Variants in DCAF1 observed in about 807,000 individuals in gnomAD.
DCAF1 encodes the protein DDB1 and CUL4 associated factor 1.
In DCAF1, 15 loss-of-function variants were observed where a neutral mutation model predicts 128.0. The ratio of observed to expected loss-of-function variants is 0.12; its 90% CI spans 0.08 to 0.18. DCAF1 has a LOEUF of 0.18. Among genes scored for constraint, DCAF1 ranks in the 10% least tolerant of loss-of-function variants. DCAF1 has a pLI of 1.00. For missense variants in DCAF1, 988 were observed against 1,649.5 expected, an observed-to-expected ratio of 0.60 and a Z score of 6.95; for synonymous variants, 610 against 603.0, an observed-to-expected ratio of 1.01 and a Z score of -0.17.
chr3:51,480,569 A>G (rs1553652433), intron 3 of DCAF1, among the ~76,000 whole-genome samples: 1 of 144,658 alleles, frequency 6.9e-6, no homozygotes, highest in Non-Finnish European at 1.5e-5. Flanking sequence ...ACTGCACTCC[A>G]GCCTGGGCGA....
intron 23 of DCAF1, among the ~76,000 whole-genome samples, chr3:51,404,173 G>C (rs1485917884): frequency 6.6e-6 from 1 of 152,198 alleles, no homozygotes; most frequent in Non-Finnish European, 1.5e-5. Context: ...CCCTTCAAAA[G>C]GGAGAGGACA....
Position 51,403,149 on chromosome 3 carries a change from C to G in DCAF1, c.4459G>C (p.Gly1487Arg), listed in dbSNP as rs782012460. 19 of 1,611,524 alleles carry G rather than the reference C, an allele frequency of 1.2e-5. No homozygotes were observed. The highest frequency in any genetic ancestry group is 1.6e-5 in the Non-Finnish European group (19 of 1,178,504). Reference protein sequence around the residue: ...DADEEVELILGDTDSSDNSDL... With the variant: ...DADEEVELILRDTDSSDNSDL... ...AACTCTGCCCTATACTTACTGTCCC[C>G]CAGGATCAGTTCCACCTCCTCATCT... is the stretch of plus-strand genomic sequence containing the variant. Residue 1487 changes from glycine (G) to arginine (R), a missense_variant, in exon 24 of 25, where the codon GGG becomes CGG. Transcript: ENST00000684031.
chr3:51,460,547 T>C (rs1397068236), intron 6 of DCAF1, among the ~76,000 whole-genome samples: 2 of 131,608 alleles, frequency 1.5e-5, no homozygotes, highest in Non-Finnish European at 3.3e-5. Flanking sequence ...CTTCACAGAA[T>C]TGGAAAAAAC....
chr3:51,450,417 T>G (rs1313127278), intron 6 of DCAF1, among the ~76,000 whole-genome samples: 1 of 152,132 alleles, frequency 6.6e-6, no homozygotes, highest in Non-Finnish European at 1.5e-5. Context: ...TTATACATCA[T>G]GACTAAATAA....
chr3:51,426,203 G>A (rs1699892983), intron 13 of DCAF1, among the ~76,000 whole-genome samples: 1 of 151,740 alleles, frequency 6.6e-6, no homozygotes, highest in African/African-American at 2.4e-5. Context: ...ACGCAAACAT[G>A]CAATGGGTTC....
At chr3:51,419,359 C>CA (rs11381682) in intron 15 of DCAF1, among the ~76,000 whole-genome samples, 4,099 of 131,200 alleles carry the variant, frequency 0.031, 65 homozygotes, top group African/African-American at 0.039. Flanking sequence ...ACTCCGTCTC[C>CA]AAAAAAAAAA....
chr3:51,407,549 G>A lies in DCAF1; in HGVS notation c.4213-4154C>T, dbSNP rs1012932503. On this transcript the variant is annotated intron_variant, in intron 23 of 24. Coordinates refer to ENST00000684031, the MANE Select transcript of DCAF1 (RefSeq NM_001387579.1). ...ACAGAGAGCATTATTCCTTTGTTGAGTTTTTTATTATAAATTTAAGGTTAA... is the reference window on the plus strand; with the variant it reads ...ACAGAGAGCATTATTCCTTTGTTGAATTTTTTATTATAAATTTAAGGTTAA... Among the ~76,000 whole-genome samples the A allele has an allele frequency of 3.3e-5, 5 of 152,246 alleles. No homozygotes were observed. The South Asian group carries it at 1.0e-3, about 32-fold the overall frequency.
At chr3:51,403,806 G>T (rs1166278464) in intron 23 of DCAF1, among the ~76,000 whole-genome samples, 3 of 152,184 alleles carry the variant, frequency 2.0e-5, no homozygotes, top group African/African-American at 7.2e-5. Flanking sequence ...CAAAATGGAA[G>T]AACACAACTG....
At chr3:51,483,609 TTG>T (rs57475291) in intron 3 of DCAF1, 108 bp downstream of exon 3, 92,721 of 472,608 alleles carry the variant, frequency 0.2, 5,327 homozygotes, top group Admixed American at 0.37. Context: ...TTAAACTAGT[TTG>T]TGTGTGTGTG....
chr3:51,461,407 A>G (rs1267818298), intron 6 of DCAF1, among the ~76,000 whole-genome samples: 1 of 152,174 alleles, frequency 6.6e-6, no homozygotes, highest in African/African-American at 2.4e-5. Context: ...AAAAGTCAGG[A>G]AGCAACAGGT....
At chr3:51,461,326 G>A (rs1553644451) in intron 6 of DCAF1, among the ~76,000 whole-genome samples, 1 of 152,110 alleles carries the variant, frequency 6.6e-6, no homozygotes, top group African/African-American at 2.4e-5. Context: ...CACCATCACT[G>A]GCCATCAGAG....
chr3:51,491,302 T>G (rs1329512202), intron 2 of DCAF1, among the ~76,000 whole-genome samples: 61 of 147,524 alleles, frequency 4.1e-4, no homozygotes, highest in Admixed American at 7.5e-4. Flanking sequence ...GAGCCAAGAT[T>G]GCGCCACTGC....
chr3:51,412,136 A>G (rs1418040664), intron 23 of DCAF1, among the ~76,000 whole-genome samples: 4 of 150,552 alleles, frequency 2.7e-5, no homozygotes, highest in South Asian at 4.2e-4. Flanking sequence ...AAAAAAAAAA[A>G]GCAGAGATTG....
intron 2 of DCAF1, among the ~76,000 whole-genome samples, chr3:51,490,663 G>A (rs1243241821): frequency 2.6e-5 from 4 of 151,864 alleles, no homozygotes; most frequent in Non-Finnish European, 4.4e-5. Context: ...GGTGGCTCAC[G>A]CCTGTAATCC....
chr3:51,447,757 GGTCAACATGGCA>G (rs1553640576), intron 6 of DCAF1, among the ~76,000 whole-genome samples: 1 of 152,132 alleles, frequency 6.6e-6, no homozygotes. Flanking sequence ...AGACGAGCCT[GGTCAACATGGCA>G]AAACTGCATC....
At chr3:51,496,967 C>CCA (rs1262377173) in intron 1 of DCAF1, among the ~76,000 whole-genome samples, 187 bp from the exon 2 acceptor site, 1 of 152,052 alleles carries the variant, frequency 6.6e-6, no homozygotes, top group African/African-American at 2.4e-5. Context: ...TATATAGATA[C>CCA]CACACACACA....
At chr3:51,399,814 C>G (rs1201220784) in intron 24 of DCAF1, among the ~76,000 whole-genome samples, 2 of 152,014 alleles carry the variant, frequency 1.3e-5, no homozygotes, top group Admixed American at 6.6e-5. Context: ...ACAGACAAAC[C>G]CTGAGCCCGT....
chr3:51,469,221 A>T lies in DCAF1; in HGVS notation c.187+1708T>A, dbSNP rs1008602123. The stretch of plus-strand genomic sequence containing the variant: ...ATTCACATTCTTTTTCCACACACAA[A>T]TTTTTTTTTTTTTTTTTTTTTTTTT... On this transcript the variant is annotated intron_variant, in intron 4 of 24. Transcript: ENST00000684031. 3.6e-3 allele frequency among the ~76,000 whole-genome samples: 419 copies of T among 116,708 alleles called. 2 individuals are homozygous for T. Among genetic ancestry groups the T allele is most frequent in the African/African-American group, 0.014 (383 of 28,270 alleles). The allele number at this position is 116,708 out of a possible 152,430, so 76.6% of individuals were successfully genotyped here.
chr3:51,454,232 G>A (rs1482063198), intron 6 of DCAF1, among the ~76,000 whole-genome samples: 1 of 151,942 alleles, frequency 6.6e-6, no homozygotes, highest in Admixed American at 6.6e-5. Context: ...GTAGAGCCAG[G>A]GTCTTCCTAT....
Sources: gnomAD v4.1 joint callset for allele counts (sites outside exome capture counted in the v4.1 genomes callset) on GRCh38, gnomAD v4.1.1 for gene constraint, MANE v1.5 for transcripts, NCBI Gene and HGNC (gene_info 2026-07-23, HGNC 2026-07-21) for gene names.